The following DCAF8L2 variants were observed in gnomAD, a reference collection of about 807,000 sequenced individuals.
DCAF8L2 encodes DDB1 and CUL4 associated factor 8 like 2.
For missense variants in DCAF8L2, 430 were observed against 490.7 expected, an observed-to-expected ratio of 0.88 and a Z score of 1.17; for synonymous variants, 200 against 190.9, an observed-to-expected ratio of 1.05 and a Z score of -0.39.
chrX:27,578,025 T>A, the DCAF8L2 span, among the ~76,000 whole-genome samples: 1 of 111,458 alleles, frequency 9.0e-6, no homozygotes, highest in Non-Finnish European at 1.9e-5. Flanking sequence ...CCATTGACAT[T>A]CTTTAGAGAA....
chrX:27,723,950 AC>A (rs1931987758), intron 4 of DCAF8L2, among the ~76,000 whole-genome samples: 1 of 111,274 alleles, frequency 9.0e-6, no homozygotes, highest in Non-Finnish European at 1.9e-5. Flanking sequence ...AGTAAAAAAA[AC>A]AAGATAAAAT....
chrX:27,678,189 C>T (rs1270659744), intron 3 of DCAF8L2, among the ~76,000 whole-genome samples: 1 of 111,326 alleles, frequency 9.0e-6, no homozygotes, highest in African/African-American at 3.3e-5. Flanking sequence ...AAAGACAAAA[C>T]GTTTTATTTT....
chrX:27,519,239 A>C, the DCAF8L2 span: 1 of 975,814 alleles, frequency 1.0e-6, no homozygotes. Flanking sequence ...ATTAAAGCCC[A>C]GAAATAACTA....
intron 2 of DCAF8L2, among the ~76,000 whole-genome samples, chrX:27,635,690 A>G (rs140829375): frequency 8.9e-6 from 1 of 111,763 alleles, no homozygotes; most frequent in Non-Finnish European, 1.9e-5. Context: ...AATTATCAAT[A>G]ATTCAAATTG....
At chrX:27,639,805 C>T (rs1429208062) in intron 2 of DCAF8L2, among the ~76,000 whole-genome samples, 1 of 111,968 alleles carries the variant, frequency 8.9e-6, no homozygotes, top group Admixed American at 9.5e-5. Flanking sequence ...TGGCATTTTT[C>T]ATAGAACTTT....
chrX:27,616,420 A>G (rs775455874), intron 1 of DCAF8L2, among the ~76,000 whole-genome samples: 1 of 111,456 alleles, frequency 9.0e-6, no homozygotes, highest in African/African-American at 3.3e-5. Flanking sequence ...CATAGTCTCT[A>G]TGAGAATTGG....
chrX:27,594,255 G>A (rs1045066085), intron 1 of DCAF8L2, among the ~76,000 whole-genome samples: 1 of 111,315 alleles, frequency 9.0e-6, no homozygotes, highest in Non-Finnish European at 1.9e-5. Context: ...TGGCATAAAG[G>A]ATAACAATTG....
chrX:27,523,386 T>C, the DCAF8L2 span, among the ~76,000 whole-genome samples: 1 of 95,985 alleles, frequency 1.0e-5, no homozygotes, highest in Non-Finnish European at 2.1e-5. Context: ...CATCTAGCTA[T>C]CTAGCTAGCT....
chrX:27,690,090 G>T (rs1930658796), intron 3 of DCAF8L2, among the ~76,000 whole-genome samples: 1 of 111,386 alleles, frequency 9.0e-6, no homozygotes, highest in Admixed American at 9.6e-5. Context: ...CTTCTGAAGA[G>T]AGACGGAGGG....
chrX:27,555,015 TCAGCCAATCC>T, the DCAF8L2 span, among the ~76,000 whole-genome samples: 1 of 111,144 alleles, frequency 9.0e-6, no homozygotes, highest in Admixed American at 9.6e-5. Flanking sequence ...AGAGAATGAA[TCAGCCAATCC>T]CAGTCTGTGG....
At chrX:27,501,690 G>C in the DCAF8L2 span, among the ~76,000 whole-genome samples, 1 of 111,300 alleles carries the variant, frequency 9.0e-6, no homozygotes, top group Non-Finnish European at 1.9e-5. Flanking sequence ...TCAAAGGTCA[G>C]GTGAATGGGA....
chrX:27,470,824 G>A, the DCAF8L2 span, among the ~76,000 whole-genome samples: 1 of 112,053 alleles, frequency 8.9e-6, no homozygotes, highest in South Asian at 3.7e-4. Flanking sequence ...CTATGTTTTA[G>A]ATGCCTCTTA....
chrX:27,503,948 A>C, the DCAF8L2 span, among the ~76,000 whole-genome samples: 1 of 112,312 alleles, frequency 8.9e-6, no homozygotes, highest in Non-Finnish European at 1.9e-5. Context: ...AGAAATTAAA[A>C]AGAATATGAT....
chrX:27,655,312 A>G (rs1225679524), intron 2 of DCAF8L2, among the ~76,000 whole-genome samples: 1 of 112,391 alleles, frequency 8.9e-6, no homozygotes, highest in Non-Finnish European at 1.9e-5. Flanking sequence ...AAGACAAATT[A>G]TTAAATGGTT....
At chrX:27,533,176 A>AGAGAGAGAGAGAGAGAG in the DCAF8L2 span, among the ~76,000 whole-genome samples, 3 of 14,846 alleles carry the variant, frequency 2.0e-4, no homozygotes, top group Admixed American at 1.8e-3. Context: ...GAAAGAAAGA[A>AGAGAGAGAGAGAGAGAG]AGAAAGAAAG....
chrX:27,613,575 A>G (rs1375607841), intron 1 of DCAF8L2, among the ~76,000 whole-genome samples: 70 of 111,196 alleles, frequency 6.3e-4, no homozygotes, highest in African/African-American at 2.2e-3. Flanking sequence ...TCAGTATGAT[A>G]TTGGCTGTGG....
chrX:27,513,703 C>CAAAA, the DCAF8L2 span, among the ~76,000 whole-genome samples: 3 of 64,387 alleles, frequency 4.7e-5, no homozygotes, highest in East Asian at 1.3e-3. Context: ...GACTCAGTCT[C>CAAAA]AAAAAAAAAA....
At chrX:27,493,721 A>T in the DCAF8L2 span, among the ~76,000 whole-genome samples, 1 of 35,295 alleles carries the variant, frequency 2.8e-5, no homozygotes, top group African/African-American at 4.7e-5. Flanking sequence ...AAAAAAAAAA[A>T]AAGAAAAAAA....
chrX:27,581,038 C>T, the DCAF8L2 span, among the ~76,000 whole-genome samples: 1 of 111,830 alleles, frequency 8.9e-6, no homozygotes, highest in South Asian at 3.7e-4. Context: ...ACATTTTGCA[C>T]TCTTTTTTTC....
Sources: gnomAD v4.1 joint callset for allele counts (sites outside exome capture counted in the v4.1 genomes callset) on GRCh38, gnomAD v4.1.1 for gene constraint, MANE v1.5 for transcripts, NCBI Gene and HGNC (gene_info 2026-07-23, HGNC 2026-07-21) for gene names.